The following OGT variants were observed in gnomAD, a reference collection of about 807,000 sequenced individuals.
OGT encodes O-linked N-acetylglucosamine (GlcNAc) transferase.
Under a neutral mutation model 75.8 loss-of-function variants are expected in OGT, and 3 were observed. The observed-to-expected ratio is 0.04, with a 90% CI of 0.02 to 0.10. The LOEUF (loss-of-function observed/expected upper bound fraction) is 0.10, where lower values mean the gene tolerates loss of function less well. OGT is among the 10% of genes least tolerant of loss of function. The pLI is 1.00. For synonymous variants in OGT, 257 were observed against 289.7 expected (o/e 0.89, Z 1.15); for missense variants, 260 against 824.4 (o/e 0.32, Z 8.38).
chrX:71,573,219 G>T (rs1175173057), intron 21 of OGT, among the ~76,000 whole-genome samples: 1 of 112,061 alleles, frequency 8.9e-6, no homozygotes, highest in African/African-American at 3.2e-5. Context: ...AAGTGTTACT[G>T]TTAGGCCAGA....
Position 71,567,649 on chromosome X carries a change from G to A in OGT, c.2739G>A (p.Arg913=). The change falls in exon 20 of 22, where the codon AGG becomes AGA. Residue 913 remains arginine (R), a synonymous_variant. Transcript: ENST00000373719. ...TTGCTCCTAAAGAGGAACACGTCAGGAGAGGCCAGCTGGCTGATGTCTGCT... is the reference window on the plus strand; with the variant it reads ...TTGCTCCTAAAGAGGAACACGTCAGAAGAGGCCAGCTGGCTGATGTCTGCT... ...SPVAPKEEHV[R]RGQLADVCLD... The A allele has an allele frequency of 8.3e-7, 1 of 1,211,484 alleles. No individual in the cohort carries two copies. The highest frequency in any genetic ancestry group is 1.1e-6 in the Non-Finnish European group (1 of 895,295).
At chrX:71,549,643 A>G (rs2040288251) in intron 5 of OGT, among the ~76,000 whole-genome samples, 1 of 110,935 alleles carries the variant, frequency 9.0e-6, no homozygotes, top group Admixed American at 9.7e-5. Context: ...AAAAGTAGCT[A>G]TGCGTGGTGA....
intron 21 of OGT, among the ~76,000 whole-genome samples, 189 bp from the exon 22 acceptor site, chrX:71,573,429 TGA>T (rs1271032648): frequency 3.6e-5 from 4 of 112,162 alleles, no homozygotes; most frequent in Non-Finnish European, 5.6e-5. Flanking sequence ...TATATGGAGT[TGA>T]GCTCATTTCA....
chrX:71,538,191 G>C, intron 3 of OGT, 119 bp downstream of exon 3: 1 of 790,970 alleles, frequency 1.3e-6, no homozygotes, highest in Non-Finnish European at 1.8e-6. Flanking sequence ...TTAGAAATGC[G>C]TATGTACTTA....
intron 11 of OGT, 36 bp from the exon 12 acceptor site, chrX:71,557,457 A>G: frequency 1.7e-6 from 2 of 1,176,540 alleles, no homozygotes; most frequent in Non-Finnish European, 2.3e-6. Context: ...CTGGGATAGG[A>G]CTTTCTGGAT....
intron 1 of OGT, among the ~76,000 whole-genome samples, chrX:71,533,930 A>C (rs902344780): frequency 1.8e-5 from 2 of 111,825 alleles, no homozygotes; most frequent in Non-Finnish European, 3.8e-5. Flanking sequence ...CCTGCTAGGC[A>C]GTGCCTTTCT....
At chrX:71,560,053 G>A (rs1429870865) in intron 14 of OGT, among the ~76,000 whole-genome samples, 2 of 110,154 alleles carry the variant, frequency 1.8e-5, no homozygotes, top group Admixed American at 9.7e-5. Flanking sequence ...AGGTCGAGGC[G>A]GGCAGATCAT....
chrX:71,542,716 G>A (rs865965034), intron 3 of OGT, among the ~76,000 whole-genome samples: 1 of 112,428 alleles, frequency 8.9e-6, no homozygotes, highest in Non-Finnish European at 1.9e-5. Context: ...TTATCAAGTA[G>A]TAGAAGGAGC....
Position 71,573,648 on chromosome X carries a change from A to C in OGT, c.2995A>C (p.Lys999Gln), listed in dbSNP as rs1257029276. Residue 999 changes from lysine (K) to glutamine (Q), a missense_variant, in exon 22 of 22, where the codon AAG becomes CAG. Lys to Gln is a moderately conservative substitution (Grantham distance 53). Transcript: ENST00000373719. ...GAAGAAAGTTCGTGGCAAAGTCTGGAAGCAAAGAATATCTAGCCCTCTGTT... is the reference window on the plus strand; with the variant it reads ...GAAGAAAGTTCGTGGCAAAGTCTGGCAGCAAAGAATATCTAGCCCTCTGTT... ...YLKKVRGKVWKQRISSPLFNT... is the reference protein window; with the variant it reads ...YLKKVRGKVWQQRISSPLFNT... The C allele has an allele frequency of 8.3e-7, 1 of 1,198,488 alleles. No individual in the cohort carries two copies. The highest frequency in any genetic ancestry group is 1.1e-6 in the Non-Finnish European group (1 of 891,047).
intron 21 of OGT, among the ~76,000 whole-genome samples, chrX:71,571,458 T>G (rs1000304613): frequency 7.1e-5 from 8 of 112,330 alleles, no homozygotes; most frequent in African/African-American, 2.3e-4. Flanking sequence ...TGGAGTACAG[T>G]GATACGATCT....
At chrX:71,561,746 A>G in intron 14 of OGT, 29 bp from the exon 15 acceptor site, 3 of 1,153,049 alleles carry the variant, frequency 2.6e-6, no homozygotes, top group Non-Finnish European at 3.5e-6. Context: ...GAGATTATAC[A>G]TAGTGAGTTC....
At chrX:71,548,150 G>T in intron 5 of OGT, 127 bp downstream of exon 5, 1 of 627,332 alleles carries the variant, frequency 1.6e-6, no homozygotes, top group Non-Finnish European at 2.4e-6. Context: ...TAGGCAGTAT[G>T]TGACTTACAG....
At chrX:71,556,644 T>C (rs1328632293) in intron 8 of OGT, 36 bp from the exon 9 acceptor site, 4 of 953,849 alleles carry the variant, frequency 4.2e-6, no homozygotes, top group Non-Finnish European at 5.7e-6. Flanking sequence ...CTTTAGCAAT[T>C]TTTTTAACCT....
intron 5 of OGT, among the ~76,000 whole-genome samples, chrX:71,549,588 C>G (rs1243051123): frequency 9.1e-6 from 1 of 110,343 alleles, no homozygotes; most frequent in Non-Finnish European, 1.9e-5. Context: ...TAGTTTGAGA[C>G]CAGCCTGGGC....
intron 1 of OGT, 96 bp from the exon 2 acceptor site, chrX:71,536,082 A>T: frequency 2.8e-6 from 2 of 717,412 alleles, no homozygotes; most frequent in Non-Finnish European, 4.1e-6. Flanking sequence ...TTCCATTTTT[A>T]AGTTAAATAT....
chrX:71,540,201 A>T (rs1197465329), intron 3 of OGT, among the ~76,000 whole-genome samples: 6 of 112,360 alleles, frequency 5.3e-5, no homozygotes, highest in Non-Finnish European at 1.1e-4. Flanking sequence ...CCTTGATTTC[A>T]ACTAAACATG....
At chrX:71,558,486 G>A (rs1299544567) in intron 12 of OGT, among the ~76,000 whole-genome samples, 3 of 108,439 alleles carry the variant, frequency 2.8e-5, no homozygotes, top group African/African-American at 6.7e-5. Flanking sequence ...TTAGCTTCCC[G>A]AGGAGCTAGG....
intron 4 of OGT, chrX:71,547,428 T>G (rs1252799344): frequency 2.7e-6 from 2 of 727,908 alleles, no homozygotes; most frequent in Non-Finnish European, 3.2e-6. Context: ...TTTCCGAATT[T>G]ATTTGATCAT....
At position 71,573,782 on chromosome X, in the gene OGT, T is replaced by C; in HGVS notation, c.3129T>C (p.Thr1043=). The change falls in exon 22 of 22, where the codon ACT becomes ACC. Residue 1043 remains threonine (T), a synonymous_variant. Coordinates refer to ENST00000373719, the MANE Select transcript of OGT (RefSeq NM_181672.3). ...PDHMIKPVEV[T]ESA ...ACATGATTAAGCCTGTTGAAGTCAC[T>C]GAGTCAGCATAAATAAAGACTGCAC... The C allele has an allele frequency of 1.7e-6, 2 of 1,197,658 alleles. No individual in the cohort carries two copies. Among genetic ancestry groups the C allele is most frequent in the Non-Finnish European group, 2.3e-6 (2 of 888,650 alleles).
Sources: gnomAD v4.1 joint callset for allele counts (sites outside exome capture counted in the v4.1 genomes callset) on GRCh38, gnomAD v4.1.1 for gene constraint, MANE v1.5 for transcripts, NCBI Gene and HGNC (gene_info 2026-07-23, HGNC 2026-07-21) for gene names.